The following CREBL2 variants were observed in gnomAD, a reference collection of about 807,000 sequenced individuals.
CREBL2 encodes cAMP responsive element binding protein like 2, also known as cAMP-responsive element-binding protein-like 2.
In CREBL2, 4 loss-of-function variants were observed where a neutral mutation model predicts 19.5. The observed-to-expected ratio is 0.20, with a 90% CI of 0.10 to 0.47. The LOEUF (loss-of-function observed/expected upper bound fraction) is 0.47, where lower values mean the gene tolerates loss of function less well. Among genes scored for constraint, CREBL2 ranks in the 20% least tolerant of loss-of-function variants. CREBL2 has a pLI of 0.98. For missense variants in CREBL2, 85 were observed against 145.1 expected, an observed-to-expected ratio of 0.59 and a Z score of 2.13; for synonymous variants, 42 against 46.6, an observed-to-expected ratio of 0.90 and a Z score of 0.40.
intron 3 of CREBL2, among the ~76,000 whole-genome samples, chr12:12,641,269 T>TA (rs1945518960): frequency 7.1e-6 from 1 of 141,438 alleles, no homozygotes; most frequent in African/African-American, 2.6e-5. Flanking sequence ...TTTTATTTTT[T>TA]TTTTTTTTAG....
rs957182078 is a variant in CREBL2 at position 12,611,907 on chromosome 12, C to T, written c.-266C>T. On this transcript the variant is annotated 5_prime_UTR_variant, in exon 1 of 4. Transcript: ENST00000228865. Reference sequence around the variant, plus strand: ...GGCGGCTCTCCAGAGCGTCTGTAAACACCCAGAGACTGTCATGGAGGGGGA... The same window carrying T: ...GGCGGCTCTCCAGAGCGTCTGTAAATACCCAGAGACTGTCATGGAGGGGGA... 1 of 548,856 alleles carries T rather than the reference C, an allele frequency of 1.8e-6. No homozygotes were observed. Among genetic ancestry groups the T allele is most frequent in the Admixed American group, 3.5e-5 (1 of 28,286 alleles). The allele number at this position is 548,856 out of a possible 1,614,324, so 34.0% of individuals were successfully genotyped here.
Position 12,642,091 on chromosome 12 carries a change from T to C in CREBL2, c.*93T>C. On this transcript the variant is annotated 3_prime_UTR_variant, in exon 4 of 4. Transcript: ENST00000228865. Reference sequence around the variant, plus strand: ...GAGTGTACTTCTTGGCTCCATTTACTACCTACTGCTCAGTAGTCATCTCTG... The same window carrying C: ...GAGTGTACTTCTTGGCTCCATTTACCACCTACTGCTCAGTAGTCATCTCTG... 1 of 912,384 alleles carries C rather than the reference T, an allele frequency of 1.1e-6. No homozygotes were observed. 56.5% of individuals were successfully genotyped at this position (912,384 alleles called of 1,614,324 possible).
intron 1 of CREBL2, among the ~76,000 whole-genome samples, chr12:12,619,660 A>G (rs1945345498): frequency 6.6e-6 from 1 of 152,194 alleles, no homozygotes; most frequent in African/African-American, 2.4e-5. Flanking sequence ...ATTCAATTAG[A>G]AAATAGAAAT....
intron 2 of CREBL2, among the ~76,000 whole-genome samples, 191 bp from the exon 3 acceptor site, chr12:12,637,379 T>C (rs1164460901): frequency 1.3e-5 from 2 of 152,056 alleles, no homozygotes; most frequent in African/African-American, 2.4e-5. Flanking sequence ...AGATGGCAGA[T>C]CTCGTACATG....
chr12:12,613,622 G>A (rs1246080798), intron 1 of CREBL2, among the ~76,000 whole-genome samples: 1 of 152,226 alleles, frequency 6.6e-6, no homozygotes, highest in African/African-American at 2.4e-5. Flanking sequence ...GGAACGGATT[G>A]CTTGTGAAGT....
chr12:12,629,443 A>G (rs1464867323), intron 1 of CREBL2, among the ~76,000 whole-genome samples: 1 of 152,104 alleles, frequency 6.6e-6, no homozygotes, highest in Non-Finnish European at 1.5e-5. Context: ...TAGAAACACA[A>G]CTGATTTTTG....
At chr12:12,615,499 C>CT (rs374161922) in intron 1 of CREBL2, 196 of 145,150 alleles carry the variant, frequency 1.4e-3, no homozygotes, top group East Asian at 1.8e-3. Flanking sequence ...TATCAACCTT[C>CT]TTTTTTTTTT....
At chr12:12,627,911 A>G (rs1040803878) in intron 1 of CREBL2, among the ~76,000 whole-genome samples, 10 of 152,034 alleles carry the variant, frequency 6.6e-5, no homozygotes, top group African/African-American at 2.4e-4. Flanking sequence ...TTTGAGACGG[A>G]GTCTCACTTT....
chr12:12,623,230 C>T (rs1428888559), intron 1 of CREBL2, among the ~76,000 whole-genome samples: 2 of 149,582 alleles, frequency 1.3e-5, no homozygotes, highest in Non-Finnish European at 2.9e-5. Context: ...TAATAAATAT[C>T]TCTTAAATGC....
intron 2 of CREBL2, 79 bp downstream of exon 2, chr12:12,636,053 G>T: frequency 7.8e-7 from 1 of 1,285,206 alleles, no homozygotes; most frequent in African/African-American, 1.5e-5. Flanking sequence ...GAAAATACCA[G>T]TTATCACCTG....
chr12:12,640,309 A>G (rs989759323), intron 3 of CREBL2, among the ~76,000 whole-genome samples: 1 of 152,128 alleles, frequency 6.6e-6, no homozygotes, highest in African/African-American at 2.4e-5. Flanking sequence ...GGGTATTAAT[A>G]TTAATATTCC....
At chr12:12,629,604 C>A (rs564879469) in intron 1 of CREBL2, among the ~76,000 whole-genome samples, 10 of 152,090 alleles carry the variant, frequency 6.6e-5, no homozygotes, top group Non-Finnish European at 8.8e-5. Flanking sequence ...CCTTTCCTTT[C>A]CCTGAATGCT....
chr12:12,640,529 A>G (rs924585487), intron 3 of CREBL2, among the ~76,000 whole-genome samples: 1 of 152,188 alleles, frequency 6.6e-6, no homozygotes, highest in Non-Finnish European at 1.5e-5. Flanking sequence ...TTTACAATCA[A>G]TTTGTACAGT....
intron 1 of CREBL2, among the ~76,000 whole-genome samples, 156 bp from the exon 2 acceptor site, chr12:12,635,621 G>A (rs1269916997): frequency 2.0e-5 from 3 of 152,140 alleles, no homozygotes; most frequent in Non-Finnish European, 4.4e-5. Context: ...ATTAGGGAAA[G>A]ACCCAGAAGG....
intron 1 of CREBL2, among the ~76,000 whole-genome samples, chr12:12,622,282 G>T (rs534306365): frequency 1.2e-4 from 19 of 152,284 alleles, no homozygotes; most frequent in African/African-American, 4.6e-4. Context: ...CCATATTAGA[G>T]ACTTTACAAT....
chr12:12,627,798 A>G (rs542942767), intron 1 of CREBL2, among the ~76,000 whole-genome samples: 3 of 152,332 alleles, frequency 2.0e-5, no homozygotes, highest in African/African-American at 4.8e-5. Flanking sequence ...AACTGCCAAA[A>G]TGTTTTCCAA....
intron 3 of CREBL2, among the ~76,000 whole-genome samples, chr12:12,638,806 C>G (rs1176940777): frequency 6.6e-6 from 1 of 152,200 alleles, no homozygotes; most frequent in Non-Finnish European, 1.5e-5. Context: ...AGTAGCCCAT[C>G]ATCGTAAGGA....
chr12:12,628,803 T>C (rs1278910523), intron 1 of CREBL2, among the ~76,000 whole-genome samples: 2 of 152,198 alleles, frequency 1.3e-5, no homozygotes, highest in Non-Finnish European at 2.9e-5. Flanking sequence ...TTGTATATGG[T>C]ACGAGGTAGT....
intron 1 of CREBL2, among the ~76,000 whole-genome samples, chr12:12,621,366 AAATTAGC>A (rs1427646034): frequency 6.6e-6 from 1 of 152,110 alleles, no homozygotes; most frequent in Non-Finnish European, 1.5e-5. Flanking sequence ...TAAAAATACA[AAATTAGC>A]TGGGCATGGT....
Sources: allele counts gnomAD v4.1 joint callset (sites outside exome capture counted in the v4.1 genomes callset), GRCh38; gene constraint gnomAD v4.1.1; transcripts MANE v1.5; gene names NCBI Gene and HGNC (gene_info 2026-07-23, HGNC 2026-07-21).